TRPV3: variants seen among roughly 807,000 people sequenced by gnomAD.
The protein encoded by TRPV3 is transient receptor potential cation channel subfamily V member 3.
Under a neutral mutation model 87.1 loss-of-function variants are expected in TRPV3, and 88 were observed. The observed-to-expected ratio is 1.01, with a 90% CI of 0.85 to 1.21. The LOEUF (loss-of-function observed/expected upper bound fraction) is 1.21. TRPV3 is among the 50% of genes most tolerant of loss of function. The pLI is 0.00. For missense variants in TRPV3, 1,054 were observed against 1,030.1 expected, an observed-to-expected ratio of 1.02 and a Z score of -0.32; for synonymous variants, 438 against 423.3, an observed-to-expected ratio of 1.03 and a Z score of -0.43.
At chr17:3,551,867 A>ATTTTTTTTT (rs2074577917) in intron 2 of TRPV3, among the ~76,000 whole-genome samples, 3 of 23,976 alleles carry the variant, frequency 1.3e-4, no homozygotes, top group Non-Finnish European at 3.6e-4. Flanking sequence ...CCTGTAATTT[A>ATTTTTTTTT]TTCTTTTTTT....
chr17:3,546,844 T>G (rs1415545420), intron 2 of TRPV3: 3 of 323,710 alleles, frequency 9.3e-6, no homozygotes, highest in Admixed American at 7.2e-5. Flanking sequence ...GGTATGCGCC[T>G]GTAATCCCAG....
At chr17:3,555,093 T>A (rs1359763292) in intron 1 of TRPV3, among the ~76,000 whole-genome samples, 2 of 152,042 alleles carry the variant, frequency 1.3e-5, no homozygotes, top group East Asian at 3.9e-4. Context: ...CAGCAGGGTG[T>A]CCCAGTAGAG....
rs1274448015 is a variant in TRPV3, at chr17:3,545,938, C to T, written c.120-667G>A. On this transcript the variant is annotated intron_variant, in intron 2 of 17. Transcript: ENST00000576742. ...CTGGGAGGTGGAGGCTGCAGTGAGCCGAGACCGCGCCACTGCACTCCAGGC... is the reference window on the plus strand; with the variant it reads ...CTGGGAGGTGGAGGCTGCAGTGAGCTGAGACCGCGCCACTGCACTCCAGGC... 4.0e-5 allele frequency among the ~76,000 whole-genome samples: 6 copies of T among 148,666 alleles called. No individual in the cohort carries two copies. The East Asian group carries it at 5.9e-4, about 15-fold the overall frequency.
At chr17:3,531,376 G>A (rs982885221) in intron 8 of TRPV3, among the ~76,000 whole-genome samples, 7 of 152,188 alleles carry the variant, frequency 4.6e-5, no homozygotes, top group East Asian at 1.9e-4. Context: ...TCTGTCATGA[G>A]AGCCCAGGCA....
rs395357 is a variant in TRPV3 at position 3,532,786 on chromosome 17, C to T, written c.936G>A (p.Thr312=). 752,012 of 1,614,018 alleles carry T rather than the reference C, an allele frequency of 0.47. 179,737 individuals are homozygous for T. The highest frequency in any genetic ancestry group is 0.5 in the Non-Finnish European group (584,808 of 1,179,960). The part of the protein sequence containing the change: ...ALVTVAEDFK[T]QNDFVKRMYD... ...ACATGCGCTTCACAAAGTCATTCTG[C>T]GTCTTGAAGTCCTCGGCCACGGTCA... is the stretch of plus-strand genomic sequence containing the variant. Residue 312 remains threonine, a synonymous_variant, in exon 8 of 18, where the codon ACG becomes ACA. Transcript: ENST00000576742.
chr17:3,530,167 TCTC>T lies in TRPV3; in HGVS notation c.1099_1101del (p.Glu367del). 6.2e-7 allele frequency: 1 copy of T among 1,613,662 alleles called. No homozygotes were observed. The highest frequency in any genetic ancestry group is 8.5e-7 in the Non-Finnish European group (1 of 1,179,786). ...TTCCTGGACAGGCTCCGGAGCCGCT[TCTC>T]CTTGATCTCACGACTGAGGATGTAC... On this transcript the variant is annotated inframe_deletion, in exon 9 of 18. Transcript: ENST00000576742. The surrounding 1 kb of genome is among the most constrained non-coding windows in gnomAD (Gnocchi z 4.0).
intron 13 of TRPV3, 39 bp downstream of exon 13, chr17:3,524,159 C>T: frequency 6.2e-7 from 1 of 1,602,800 alleles, no homozygotes; most frequent in Non-Finnish European, 8.5e-7. Flanking sequence ...AAATGGCCAT[C>T]CTCCGAGGGC....
rs539366492 is a variant in TRPV3, at chr17:3,515,011, G to T, written c.2199-339C>A. On this transcript the variant is annotated intron_variant, in intron 16 of 17. Transcript: ENST00000576742. ...CAAGGGGAAGCGGGGACAGACAGAG[G>T]GAGGGCCCGGGCCACGAGGGTGTGA... 2.0e-5 allele frequency among the ~76,000 whole-genome samples: 3 copies of T among 152,258 alleles called. No individual in the cohort carries two copies. In the South Asian group the frequency reaches 6.2e-4, roughly 32 times the overall value.
intron 8 of TRPV3, among the ~76,000 whole-genome samples, chr17:3,532,425 A>G (rs113438749): frequency 2.0e-5 from 3 of 152,252 alleles, no homozygotes; most frequent in Non-Finnish European, 4.4e-5. Context: ...AACGCGGCGT[A>G]TTAGGGACTG....
At chr17:3,543,651 A>T (rs1416896383) in intron 4 of TRPV3, 23 bp from the exon 5 acceptor site, 2 of 1,612,534 alleles carry the variant, frequency 1.2e-6, no homozygotes, top group Non-Finnish European at 1.7e-6. Flanking sequence ...AATGTTTCCA[A>T]CTCAACACAC....
chr17:3,514,999 GGACA>G (rs1225860098), intron 16 of TRPV3, among the ~76,000 whole-genome samples: 3 of 152,126 alleles, frequency 2.0e-5, no homozygotes, highest in African/African-American at 4.8e-5. Context: ...GGGGAAGCGG[GGACA>G]GACAGAGGGA....
chr17:3,527,477 A>G lies in TRPV3; in HGVS notation c.1503+548T>C, dbSNP rs993449314. Among the ~76,000 whole-genome samples the G allele has an allele frequency of 4.6e-5, 7 of 152,242 alleles. No homozygotes were observed. In the East Asian group the frequency reaches 5.8e-4, roughly 13 times the overall value. ...ATATTTATGCCTATGCTATGTCCCC[A>G]ACCAGGCTGTGAATTCAAAGAGGGC... On this transcript the variant is annotated intron_variant, in intron 11 of 17. Coordinates refer to ENST00000576742, the MANE Select transcript of TRPV3 (RefSeq NM_145068.4).
At chr17:3,551,177 T>C (rs1567646131) in intron 2 of TRPV3, among the ~76,000 whole-genome samples, 1 of 152,208 alleles carries the variant, frequency 6.6e-6, no homozygotes, top group Admixed American at 6.5e-5. Context: ...GAGGTCTATG[T>C]CTGGAGAAGG....
At position 3,541,081 on chromosome 17, in the gene TRPV3, T is replaced by G. The variant is rs567374756; in HGVS notation, c.643+1441A>C. Reference sequence around the variant, plus strand: ...AACTCCCACCTGGAAAAACCTAAATTGTGGCAGGGCGTGGTGGCTCACGCC... The same window carrying G: ...AACTCCCACCTGGAAAAACCTAAATGGTGGCAGGGCGTGGTGGCTCACGCC... On this transcript the variant is annotated intron_variant, in intron 6 of 17. Transcript: ENST00000576742. 2.0e-5 allele frequency among the ~76,000 whole-genome samples: 3 copies of G among 152,306 alleles called. No homozygotes were observed. In the South Asian group the frequency reaches 6.2e-4, roughly 32 times the overall value.
chr17:3,542,791 C>T, intron 5 of TRPV3, 93 bp from the exon 6 acceptor site: 1 of 1,357,920 alleles, frequency 7.4e-7, no homozygotes, highest in Admixed American at 2.4e-5. Context: ...GCCGCAGACC[C>T]CAAGCCCCTG....
chr17:3,533,540 C>T (rs2074370896), intron 7 of TRPV3, among the ~76,000 whole-genome samples: 1 of 150,208 alleles, frequency 6.7e-6, no homozygotes, highest in South Asian at 2.1e-4. Context: ...TACTCTGTCG[C>T]CAGGCTGGAG....
chr17:3,544,550 A>G (rs751828502), intron 4 of TRPV3, 29 bp downstream of exon 4: 2 of 1,459,256 alleles, frequency 1.4e-6, no homozygotes, highest in Admixed American at 3.6e-5. Context: ...GGGTGGGCAC[A>G]GTGGGTGGAG....
rs1567639381 is a variant in TRPV3 at position 3,535,676 on chromosome 17, C to T, written c.681G>A (p.Gln227=). 1.3e-6 allele frequency: 2 copies of T among 1,591,498 alleles called. No individual in the cohort carries two copies. The highest frequency in any genetic ancestry group is 8.5e-7 in the Non-Finnish European group (1 of 1,171,154). ...TALNIAIERR[Q]GDIAALLIAA... is the part of the protein sequence containing the mutation. The stretch of plus-strand genomic sequence containing the variant: ...CGATGAGCAGGGCTGCGATGTCCCC[C>T]TGCCGCCGCTCGATGGCGATGTTCA... Residue 227 remains glutamine, a synonymous_variant, in exon 7 of 18, where the codon CAG becomes CAA. Transcript: ENST00000576742.
intron 12 of TRPV3, 99 bp downstream of exon 12, chr17:3,526,755 G>T: frequency 1.1e-6 from 1 of 938,080 alleles, no homozygotes; most frequent in Non-Finnish European, 1.7e-6. Flanking sequence ...GGACACCGTG[G>T]CACAGTAGGA....
Sources: gnomAD v4.1 joint callset for allele counts (sites outside exome capture counted in the v4.1 genomes callset) on GRCh38, gnomAD v4.1.1 for gene constraint, Gnocchi (gnomAD v3.1) non-coding constraint, MANE v1.5 for transcripts, NCBI Gene and HGNC (gene_info 2026-07-23, HGNC 2026-07-21) for gene names.